The following ATXN1 variants were observed in gnomAD, a reference collection of about 807,000 sequenced individuals.
ATXN1 encodes the protein ataxin-1.
ATXN1 carries 8 observed loss-of-function variants against 56.4 expected under a neutral mutation model. The ratio of observed to expected loss-of-function variants is 0.14; its 90% CI spans 0.08 to 0.26. The LOEUF is 0.26. Among genes scored for constraint, ATXN1 ranks in the 10% least tolerant of loss-of-function variants. The pLI is 1.00. For missense variants in ATXN1, 987 were observed against 1,106.5 expected, an observed-to-expected ratio of 0.89 and a Z score of 1.53; for synonymous variants, 514 against 494.6, an observed-to-expected ratio of 1.04 and a Z score of -0.52.
chr6:16,566,138 T>A (rs992128804), intron 4 of ATXN1, among the ~76,000 whole-genome samples: 7 of 152,148 alleles, frequency 4.6e-5, no homozygotes, highest in African/African-American at 1.7e-4. Flanking sequence ...CTTTCATGTA[T>A]CTCTATGTGA....
intron 6 of ATXN1, among the ~76,000 whole-genome samples, chr6:16,437,643 GA>G (rs1411445503): frequency 1.3e-5 from 2 of 152,208 alleles, no homozygotes; most frequent in African/African-American, 4.8e-5. Flanking sequence ...AGAAAACATA[GA>G]TAATCCAAGC....
chr6:16,503,916 C>T (rs1760931536), intron 5 of ATXN1, among the ~76,000 whole-genome samples: 1 of 152,134 alleles, frequency 6.6e-6, no homozygotes, highest in African/African-American at 2.4e-5. Flanking sequence ...TGATGCACAA[C>T]CATTACCACC....
At chr6:16,494,340 T>C (rs1329546803) in intron 5 of ATXN1, among the ~76,000 whole-genome samples, 1 of 152,220 alleles carries the variant, frequency 6.6e-6, no homozygotes, top group Non-Finnish European at 1.5e-5. Context: ...AAACTGGCAG[T>C]CCTTGGATAC....
At chr6:16,385,012 A>G (rs2282842) in intron 6 of ATXN1, among the ~76,000 whole-genome samples, 9,704 of 152,220 alleles carry the variant, frequency 0.064, 816 homozygotes, top group East Asian at 0.45. Flanking sequence ...TGAGACCAGG[A>G]GGGAAAAGTT....
intron 4 of ATXN1, among the ~76,000 whole-genome samples, chr6:16,560,344 C>A (rs9477164): frequency 0.026 from 3,978 of 151,312 alleles, 191 homozygotes; most frequent in African/African-American, 0.09. Context: ...GCAGGAGAAT[C>A]GTTTAAACGG....
At chr6:16,598,587 C>A (rs1023913067) in intron 3 of ATXN1, among the ~76,000 whole-genome samples, 1 of 152,176 alleles carries the variant, frequency 6.6e-6, no homozygotes, top group Non-Finnish European at 1.5e-5. Flanking sequence ...GCGGCCCAGA[C>A]CACACCCACA....
intron 4 of ATXN1, among the ~76,000 whole-genome samples, chr6:16,579,122 G>A (rs533839992): frequency 6.6e-6 from 1 of 152,138 alleles, no homozygotes; most frequent in Non-Finnish European, 1.5e-5. Flanking sequence ...CTGTGTCATC[G>A]AAATACTCAT....
chr6:16,429,425 G>GTTTTT (rs3072201), intron 6 of ATXN1, among the ~76,000 whole-genome samples: 7 of 105,968 alleles, frequency 6.6e-5, no homozygotes, highest in South Asian at 3.3e-4. Context: ...TTTTTTGTTC[G>GTTTTT]TTTTTTTTTT....
rs1457951518 is a variant in ATXN1 at position 16,551,652 on chromosome 6, A to G, written c.-360-28964T>C. Reference sequence around the variant, plus strand: ...GGAATGCTTTCATTAGATGTGTACTATGTCTACTGCTTCTAAGTGAGTGAC... The same window carrying G: ...GGAATGCTTTCATTAGATGTGTACTGTGTCTACTGCTTCTAAGTGAGTGAC... On this transcript the variant is annotated intron_variant, in intron 4 of 7. Transcript: ENST00000436367. Among the ~76,000 whole-genome samples the G allele has an allele frequency of 2.0e-5, 3 of 152,256 alleles. No homozygotes were observed. The East Asian group carries it at 5.8e-4, about 29-fold the overall frequency.
intron 2 of ATXN1, among the ~76,000 whole-genome samples, chr6:16,675,239 C>T (rs532120061): frequency 2.6e-4 from 40 of 152,306 alleles, no homozygotes; most frequent in African/African-American, 5.1e-4. Flanking sequence ...TTTATTTCAA[C>T]GTTTGGAGAT....
In ATXN1 at chr6:16,656,694, C is replaced by G. The variant is rs375510337; in HGVS notation, c.-489+1082G>C. ...AAACCCCCATCATCTTTCACCTTGC[C>G]CATCACAATAGTCATGCATCATTTA... On this transcript the variant is annotated intron_variant, in intron 3 of 7. Coordinates refer to ENST00000436367, the MANE Select transcript of ATXN1 (RefSeq NM_001128164.2). Among the ~76,000 whole-genome samples the G allele has an allele frequency of 5.9e-5, 9 of 152,284 alleles. No individual in the cohort carries two copies. The South Asian group carries it at 1.0e-3, about 18-fold the overall frequency.
At chr6:16,746,367 T>C (rs1201719339) in intron 2 of ATXN1, among the ~76,000 whole-genome samples, 1 of 152,240 alleles carries the variant, frequency 6.6e-6, no homozygotes, top group African/African-American at 2.4e-5. Flanking sequence ...AAGGCAATGC[T>C]GCACACACTA....
At chr6:16,622,100 C>G (rs1472411134) in intron 3 of ATXN1, among the ~76,000 whole-genome samples, 1 of 152,204 alleles carries the variant, frequency 6.6e-6, no homozygotes, top group Non-Finnish European at 1.5e-5. Context: ...ACTGGAAATA[C>G]ACAAGTGACA....
chr6:16,733,288 C>T lies in ATXN1; in HGVS notation c.-615+19945G>A, dbSNP rs114704739. On this transcript the variant is annotated intron_variant, in intron 2 of 7. Coordinates refer to ENST00000436367, the MANE Select transcript of ATXN1 (RefSeq NM_001128164.2). The stretch of plus-strand genomic sequence containing the variant: ...TTAAGAACCACAAGTCAGCCAGGCA[C>T]GGCAGCTCATGTCTGTAATCCCAAC... Among the ~76,000 whole-genome samples, 1,306 of 152,320 alleles carry T rather than the reference C, an allele frequency of 8.6e-3. 14 individuals carry two copies. Among genetic ancestry groups the T allele is most frequent in the African/African-American group, 0.029 (1,193 of 41,566 alleles).
chr6:16,348,593 G>A (rs754038920), intron 6 of ATXN1, among the ~76,000 whole-genome samples: 1 of 152,188 alleles, frequency 6.6e-6, no homozygotes, highest in Middle Eastern at 3.4e-3. Context: ...TTCCAGGGAG[G>A]CTGAGGCAGA....
At chr6:16,617,701 A>G (rs1192932338) in intron 3 of ATXN1, among the ~76,000 whole-genome samples, 1 of 146,678 alleles carries the variant, frequency 6.8e-6, no homozygotes, top group African/African-American at 2.6e-5. Context: ...CGTGAGGCGG[A>G]GCTTGCAGTG....
At chr6:16,454,660 T>C (rs555344901) in intron 6 of ATXN1, among the ~76,000 whole-genome samples, 2 of 152,282 alleles carry the variant, frequency 1.3e-5, no homozygotes, top group African/African-American at 4.8e-5. Context: ...GACTTTCCAC[T>C]CTCTTACTGC....
At chr6:16,484,638 A>T (rs6459469) in intron 6 of ATXN1, among the ~76,000 whole-genome samples, 40 of 152,258 alleles carry the variant, frequency 2.6e-4, no homozygotes, top group African/African-American at 9.4e-4. Context: ...ATGAAGCTTC[A>T]GTGTCTCCCA....
chr6:16,497,196 T>C (rs1760796567), intron 5 of ATXN1, among the ~76,000 whole-genome samples: 1 of 152,156 alleles, frequency 6.6e-6, no homozygotes, highest in East Asian at 1.9e-4. Flanking sequence ...ATAAAAGGCA[T>C]TCAGAGCACT....
Sources: allele counts gnomAD v4.1 joint callset (sites outside exome capture counted in the v4.1 genomes callset), GRCh38; gene constraint gnomAD v4.1.1; transcripts MANE v1.5; gene names NCBI Gene and HGNC (gene_info 2026-07-23, HGNC 2026-07-21).